The following PCNX2 variants were observed in gnomAD, a reference collection of about 807,000 sequenced individuals.
PCNX2 encodes pecanex 2.
A neutral mutation model predicts 223.8 loss-of-function variants in PCNX2; 168 were observed. That is an observed-to-expected ratio of 0.75 (90% CI 0.66 to 0.85). The LOEUF is 0.85. Ranked by LOEUF, PCNX2 falls within the 40% of genes least tolerant of loss-of-function variation. The pLI is 0.00. For missense variants in PCNX2, 2,507 were observed against 2,675.5 expected, an observed-to-expected ratio of 0.94 and a Z score of 1.39; for synonymous variants, 1,006 against 1,052.6, an observed-to-expected ratio of 0.96 and a Z score of 0.86.
chr1:233,199,264 C>T (rs1263410607), intron 14 of PCNX2, among the ~76,000 whole-genome samples: 1 of 152,134 alleles, frequency 6.6e-6, no homozygotes, highest in Non-Finnish European at 1.5e-5. Context: ...TTACAATGTT[C>T]TTAAAAGACC....
At chr1:233,028,060 TG>T (rs1671143044) in intron 25 of PCNX2, among the ~76,000 whole-genome samples, 1 of 152,238 alleles carries the variant, frequency 6.6e-6, no homozygotes, top group African/African-American at 2.4e-5. Flanking sequence ...TGTACATTTT[TG>T]TAAGTTTCGA....
chr1:233,056,748 A>G (rs1439582065), intron 24 of PCNX2, among the ~76,000 whole-genome samples: 2 of 152,202 alleles, frequency 1.3e-5, no homozygotes, highest in African/African-American at 2.4e-5. Flanking sequence ...TAGAATGGTT[A>G]AAAAAGGAGA....
At chr1:233,205,346 T>C (rs1681379845) in intron 13 of PCNX2, among the ~76,000 whole-genome samples, 1 of 152,204 alleles carries the variant, frequency 6.6e-6, no homozygotes, top group Admixed American at 6.5e-5. Flanking sequence ...TTATCTGACT[T>C]ATGAATGGGA....
At chr1:233,058,189 T>G in intron 23 of PCNX2, 1 of 374,352 alleles carries the variant, frequency 2.7e-6, no homozygotes, top group Non-Finnish European at 3.7e-6. Flanking sequence ...TTCTGAGAGT[T>G]AGCCGACTCA....
At chr1:233,123,496 C>T (rs1280338900) in intron 21 of PCNX2, among the ~76,000 whole-genome samples, 1 of 151,906 alleles carries the variant, frequency 6.6e-6, no homozygotes, top group African/African-American at 2.4e-5. Flanking sequence ...GCAGGAGAAT[C>T]ACTTGAACCC....
intron 21 of PCNX2, among the ~76,000 whole-genome samples, chr1:233,112,287 G>A (rs1051561579): frequency 4.2e-4 from 64 of 152,174 alleles, no homozygotes; most frequent in African/African-American, 1.3e-3. Flanking sequence ...GAAGGCACAT[G>A]CCAGTGGTCA....
Position 233,236,910 on chromosome 1 carries a change from C to A in PCNX2, c.2293G>T (p.Val765Phe), listed in dbSNP as rs368704434. ...SQDPSSGDPA[V>F]SALQQQLLLM... ...AACAGCTGTTGCTGAAGGGCACTGACGGCAGGGTCCCCAGAAGACGGATCT... is the reference window on the plus strand; with the variant it reads ...AACAGCTGTTGCTGAAGGGCACTGAAGGCAGGGTCCCCAGAAGACGGATCT... Residue 765 changes from valine to phenylalanine, a missense_variant, in exon 9 of 34, where the codon GTC becomes TTC. By Grantham distance (50) the Val-to-Phe change is conservative. Transcript: ENST00000258229. 3 of 1,613,970 alleles carry A rather than the reference C, an allele frequency of 1.9e-6. No homozygotes were observed. Among genetic ancestry groups the A allele is most frequent in the Non-Finnish European group, 2.5e-6 (3 of 1,179,872 alleles).
chr1:233,139,895 C>A lies in PCNX2; in HGVS notation c.3518-40G>T. 1 of 1,593,526 alleles carries A rather than the reference C, an allele frequency of 6.3e-7. No homozygotes were observed. The highest frequency in any genetic ancestry group is 1.1e-5 in the South Asian group (1 of 88,126). ...AAAACCACTTAGAACAACCACCGAT[C>A]AAAGTATTTTTCTTTAAGTACAGGT... On this transcript the variant is annotated intron_variant, in intron 19 of 33. Transcript: ENST00000258229. This position sits in a 1 kb window ranked among gnomAD's most constrained non-coding sequence, Gnocchi z 4.4.
chr1:233,031,953 C>T (rs763524008), intron 25 of PCNX2: 2 of 985,258 alleles, frequency 2.0e-6, no homozygotes, highest in Non-Finnish European at 2.4e-6. Flanking sequence ...ACACTGGGAC[C>T]CTTGGATTGC....
chr1:233,222,864 G>A (rs756868619), intron 10 of PCNX2, among the ~76,000 whole-genome samples: 5 of 152,200 alleles, frequency 3.3e-5, no homozygotes, highest in Non-Finnish European at 7.3e-5. Flanking sequence ...AGTCTTGGAT[G>A]TGAGATGTCA....
At chr1:232,997,929 G>T (rs922003576) in intron 32 of PCNX2, among the ~76,000 whole-genome samples, 3 of 152,182 alleles carry the variant, frequency 2.0e-5, no homozygotes, top group African/African-American at 7.2e-5. Context: ...AACACAGCCA[G>T]ACACAGAAGG....
chr1:233,018,331 A>C (rs893473755), intron 26 of PCNX2, among the ~76,000 whole-genome samples: 3 of 152,042 alleles, frequency 2.0e-5, no homozygotes, highest in Non-Finnish European at 4.4e-5. Context: ...CCAAAACAAC[A>C]CAGTTCTTAT....
chr1:233,226,054 A>G (rs139682440), intron 10 of PCNX2, among the ~76,000 whole-genome samples: 1 of 152,346 alleles, frequency 6.6e-6, no homozygotes, highest in African/African-American at 2.4e-5. Context: ...ACAGGCAACC[A>G]GTTTTTCCAC....
At chr1:233,231,818 T>C (rs1658080010) in intron 9 of PCNX2, 1 of 257,014 alleles carries the variant, frequency 3.9e-6, no homozygotes, top group Non-Finnish European at 6.1e-6. Flanking sequence ...GATGTGAGCA[T>C]TGGAGACCCT....
chr1:233,244,895 G>C (rs540920327), intron 8 of PCNX2, among the ~76,000 whole-genome samples: 2 of 152,338 alleles, frequency 1.3e-5, no homozygotes, highest in African/African-American at 4.8e-5. Flanking sequence ...CTGGCAAACT[G>C]CTAGTGCTTC....
chr1:233,198,885 AT>A (rs2102891391), intron 15 of PCNX2, 53 bp downstream of exon 15: 1 of 1,446,598 alleles, frequency 6.9e-7, no homozygotes, highest in Admixed American at 2.0e-5. Context: ...GTTTAAAAAA[AT>A]AAGTTAATTT....
At chr1:233,036,714 T>C (rs1671470151) in intron 25 of PCNX2, among the ~76,000 whole-genome samples, 1 of 152,228 alleles carries the variant, frequency 6.6e-6, no homozygotes, top group Admixed American at 6.5e-5. Flanking sequence ...AGAGATTTTC[T>C]AGGTCTTAAA....
the PCNX2 span, among the ~76,000 whole-genome samples, chr1:233,319,289 C>T: frequency 6.6e-6 from 1 of 152,212 alleles, no homozygotes; most frequent in Non-Finnish European, 1.5e-5. Flanking sequence ...TCTTCACCAC[C>T]AATTCCCGTG....
chr1:233,087,778 A>G (rs1673677643), intron 23 of PCNX2, among the ~76,000 whole-genome samples: 1 of 152,124 alleles, frequency 6.6e-6, no homozygotes, highest in Non-Finnish European at 1.5e-5. Context: ...TCTCTCCTGC[A>G]GCAGAATTGA....
Sources: allele counts gnomAD v4.1 joint callset (sites outside exome capture counted in the v4.1 genomes callset), GRCh38; gene constraint gnomAD v4.1.1; non-coding constraint Gnocchi (gnomAD v3.1); transcripts MANE v1.5; gene names NCBI Gene and HGNC (gene_info 2026-07-23, HGNC 2026-07-21).